MDGA2: variants seen among roughly 807,000 people sequenced by gnomAD.
The protein encoded by MDGA2 is MAM domain-containing glycosylphosphatidylinositol anchor protein 2.
Under a neutral mutation model 117.8 loss-of-function variants are expected in MDGA2, and 40 were observed. That is an observed-to-expected ratio of 0.34 (90% CI 0.26 to 0.44). MDGA2 has a LOEUF of 0.44. MDGA2 is among the 20% of genes least tolerant of loss of function. MDGA2 has a pLI of 1.00. For synonymous variants in MDGA2, 452 were observed against 439.0 expected (o/e 1.03, Z -0.37); for missense variants, 1,123 against 1,250.6 (o/e 0.90, Z 1.54).
intron 2 of MDGA2, among the ~76,000 whole-genome samples, chr14:47,231,879 A>G (rs553524562): frequency 6.6e-6 from 1 of 152,198 alleles, no homozygotes; most frequent in South Asian, 2.1e-4. Flanking sequence ...TTGTTAACAT[A>G]CTGGCAGCTT....
At chr14:47,103,048 G>A (rs73248020) in intron 5 of MDGA2, among the ~76,000 whole-genome samples, 142 of 152,232 alleles carry the variant, frequency 9.3e-4, no homozygotes, top group African/African-American at 3.2e-3. Context: ...AGATATGGGT[G>A]AAAAATGAAA....
intron 1 of MDGA2, among the ~76,000 whole-genome samples, chr14:47,492,455 C>T (rs1259428205): frequency 6.6e-6 from 1 of 151,576 alleles, no homozygotes; most frequent in Non-Finnish European, 1.5e-5. Context: ...ATTTTATATA[C>T]GTGTGTGTGT....
chr14:47,231,033 T>G (rs1372688804), intron 2 of MDGA2, among the ~76,000 whole-genome samples: 1 of 152,044 alleles, frequency 6.6e-6, no homozygotes, highest in Admixed American at 6.6e-5. Context: ...GATTTTCTAC[T>G]GGGGATTTTT....
chr14:47,431,803 T>C (rs1206874559), intron 1 of MDGA2, among the ~76,000 whole-genome samples: 1 of 152,056 alleles, frequency 6.6e-6, no homozygotes, highest in Non-Finnish European at 1.5e-5. Flanking sequence ...CTACATTACA[T>C]TTTTTTAAAT....
intron 3 of MDGA2, among the ~76,000 whole-genome samples, chr14:47,174,264 C>T (rs1320748020): frequency 1.3e-5 from 2 of 151,968 alleles, no homozygotes; most frequent in Admixed American, 6.6e-5. Context: ...ACAAGGATAC[C>T]CAGGAATTGA....
At position 46,994,561 on chromosome 14, in the gene MDGA2, T is replaced by G. The variant is rs990224857; in HGVS notation, c.1820-36918A>C. The stretch of plus-strand genomic sequence containing the variant: ...CACACACTCAAAACACTCAAATACA[T>G]AAACACAGAAACTCAGTCCACACAT... On this transcript the variant is annotated intron_variant, in intron 8 of 16. Coordinates refer to ENST00000399232, the MANE Select transcript of MDGA2 (RefSeq NM_001113498.3). Among the ~76,000 whole-genome samples, 6 of 151,332 alleles carry G rather than the reference T, an allele frequency of 4.0e-5. No homozygotes were observed. In the South Asian group the frequency reaches 1.0e-3, roughly 26 times the overall value.
chr14:47,086,056 A>G (rs1440322606), intron 6 of MDGA2, among the ~76,000 whole-genome samples: 2 of 151,422 alleles, frequency 1.3e-5, no homozygotes. Flanking sequence ...AGTTTAATCA[A>G]TTTTAACTAC....
chr14:47,174,288 C>T (rs1438187043), intron 3 of MDGA2, among the ~76,000 whole-genome samples: 3 of 151,962 alleles, frequency 2.0e-5, no homozygotes, highest in African/African-American at 7.3e-5. Flanking sequence ...CAGCTCTGCA[C>T]CAAGCGGACC....
At chr14:46,960,688 T>A (rs1474583038) in intron 8 of MDGA2, 1 of 151,496 alleles carries the variant, frequency 6.6e-6, no homozygotes, top group Non-Finnish European at 1.5e-5. Flanking sequence ...TACATACATA[T>A]GTGTATATAT....
intron 6 of MDGA2, among the ~76,000 whole-genome samples, chr14:47,069,805 T>C (rs1380350419): frequency 1.3e-5 from 2 of 152,210 alleles, no homozygotes; most frequent in Admixed American, 1.3e-4. Context: ...TTTAAATATA[T>C]GTTTTCATTT....
chr14:47,441,653 G>T (rs1893013730), intron 1 of MDGA2, among the ~76,000 whole-genome samples: 1 of 152,068 alleles, frequency 6.6e-6, no homozygotes, highest in Non-Finnish European at 1.5e-5. Context: ...ACAGTTTTTT[G>T]AAAATCAGAT....
chr14:47,525,730 T>C (rs1213838789), intron 1 of MDGA2, among the ~76,000 whole-genome samples: 1 of 148,786 alleles, frequency 6.7e-6, no homozygotes, highest in African/African-American at 2.5e-5. Context: ...GATTTTAAGT[T>C]TTTTTTTTTT....
chr14:47,656,501 T>C (rs775966571), intron 1 of MDGA2, among the ~76,000 whole-genome samples: 1 of 152,158 alleles, frequency 6.6e-6, no homozygotes, highest in Non-Finnish European at 1.5e-5. Context: ...TCAGGGACCA[T>C]ATAAGTTGTA....
chr14:47,647,965 G>A (rs1030124423), intron 1 of MDGA2, among the ~76,000 whole-genome samples: 15 of 151,942 alleles, frequency 9.9e-5, no homozygotes, highest in Non-Finnish European at 1.8e-4. Flanking sequence ...TATTACAGAT[G>A]CCACCAAAAT....
intron 8 of MDGA2, among the ~76,000 whole-genome samples, chr14:46,970,711 T>C (rs1886228866): frequency 6.6e-6 from 1 of 151,970 alleles, no homozygotes; most frequent in Non-Finnish European, 1.5e-5. Context: ...ATATTAAATT[T>C]AAAAGCATCT....
At chr14:47,349,386 T>A (rs962882882) in intron 1 of MDGA2, among the ~76,000 whole-genome samples, 1 of 152,232 alleles carries the variant, frequency 6.6e-6, no homozygotes, top group Non-Finnish European at 1.5e-5. Context: ...CAACAAATGA[T>A]AACCATCATT....
intron 2 of MDGA2, among the ~76,000 whole-genome samples, chr14:47,287,133 G>A (rs1223297019): frequency 6.6e-6 from 1 of 151,956 alleles, no homozygotes; most frequent in Non-Finnish European, 1.5e-5. Context: ...GCTAGAAAGT[G>A]GAGACAGTAG....
intron 1 of MDGA2, among the ~76,000 whole-genome samples, chr14:47,385,990 A>G (rs1038975879): frequency 1.3e-5 from 2 of 152,144 alleles, no homozygotes; most frequent in Non-Finnish European, 2.9e-5. Flanking sequence ...TTATGAAAGC[A>G]TAGATTTCAG....
rs533481180 is a variant in MDGA2 at position 47,067,252 on chromosome 14, A to G, written c.1196-5674T>C. Among the ~76,000 whole-genome samples the G allele has an allele frequency of 5.3e-5, 8 of 152,310 alleles. No individual in the cohort carries two copies. In the East Asian group the frequency reaches 1.5e-3, roughly 29 times the overall value. On this transcript the variant is annotated intron_variant, in intron 6 of 16. Transcript: ENST00000399232. ...CATGCAAATTGTCACATTACTGGAG[A>G]GGCTGATTGCATCTACCAAGGGGGA...
Sources: allele counts gnomAD v4.1 joint callset (sites outside exome capture counted in the v4.1 genomes callset), GRCh38; gene constraint gnomAD v4.1.1; transcripts MANE v1.5; gene names NCBI Gene and HGNC (gene_info 2026-07-23, HGNC 2026-07-21).